The following N4BP2L2 variants were observed in gnomAD, a reference collection of about 807,000 sequenced individuals.
N4BP2L2 encodes the protein NEDD4-binding protein 2-like 2.
N4BP2L2 carries 50 observed loss-of-function variants against 56.2 expected under a neutral mutation model. The ratio of observed to expected loss-of-function variants is 0.89; its 90% CI spans 0.71 to 1.13. The LOEUF is 1.13. Among genes scored for constraint, N4BP2L2 ranks in the 50% most tolerant of loss-of-function variants. N4BP2L2 has a pLI of 0.00. For missense variants in N4BP2L2, 689 were observed against 693.8 expected, an observed-to-expected ratio of 0.99 and a Z score of 0.08; for synonymous variants, 203 against 223.6, an observed-to-expected ratio of 0.91 and a Z score of 0.82.
In N4BP2L2 at chr13:32,438,762, C is replaced by A. The variant is rs370002596; in HGVS notation, c.2105-25G>T. 35 of 1,528,288 alleles carry A rather than the reference C, an allele frequency of 2.3e-5. 1 individual carries two copies. The East Asian group carries it at 3.4e-4, about 15-fold the overall frequency. The allele number at this position is 1,528,288 out of a possible 1,614,324, so 94.7% of individuals were successfully genotyped here. The stretch of plus-strand genomic sequence containing the variant: ...TCTGTGAAAGAAAGAAAGACCTAAT[C>A]TCATCTCTAATGTCACACAGATTTT... On this transcript the variant is annotated intron_variant, in intron 7 of 9. Coordinates refer to the N4BP2L2 transcript ENST00000357505.
chr13:32,434,355 C>T (rs926144633), intron 9 of N4BP2L2, among the ~76,000 whole-genome samples: 1 of 151,280 alleles, frequency 6.6e-6, no homozygotes, highest in Admixed American at 6.6e-5. Flanking sequence ...GCCTCAGCCT[C>T]CCAAAGTGCT....
intron 6 of N4BP2L2, chr13:32,446,613 A>G: frequency 9.8e-7 from 1 of 1,018,016 alleles, no homozygotes; most frequent in Non-Finnish European, 1.3e-6. Flanking sequence ...AATGCACTTA[A>G]TGTATAGTCA....
At chr13:32,454,395 A>G (rs1314314603) in intron 6 of N4BP2L2, among the ~76,000 whole-genome samples, 1 of 152,188 alleles carries the variant, frequency 6.6e-6, no homozygotes. Context: ...AACAGTTACA[A>G]CAAGGAGCAG....
exon 10 of N4BP2L2, chr13:32,432,941 T>G (rs1226015818): frequency 2.0e-5 from 3 of 152,234 alleles, no homozygotes; most frequent in African/African-American, 7.2e-5. Flanking sequence ...GATCATGATC[T>G]TCAGCAGTAC....
At chr13:32,434,251 T>TC (rs1230558466) in intron 9 of N4BP2L2, among the ~76,000 whole-genome samples, 9 of 135,748 alleles carry the variant, frequency 6.6e-5, no homozygotes, top group African/African-American at 2.4e-4. Flanking sequence ...TAATTTTCTT[T>TC]TTTTCTTTTT....
At chr13:32,436,056 G>A (rs2075434628) in intron 9 of N4BP2L2, among the ~76,000 whole-genome samples, 1 of 152,102 alleles carries the variant, frequency 6.6e-6, no homozygotes. Flanking sequence ...CCAACCCAAG[G>A]GGGGAAATGT....
intron 1 of N4BP2L2, among the ~76,000 whole-genome samples, chr13:32,538,074 G>GT (rs1158691832): frequency 1.5e-5 from 2 of 136,788 alleles, no homozygotes; most frequent in African/African-American, 2.7e-5. Flanking sequence ...CCGTCTTGGG[G>GT]GGGGGGGGCG....
intron 6 of N4BP2L2, among the ~76,000 whole-genome samples, chr13:32,452,623 G>C (rs1454763723): frequency 6.6e-6 from 1 of 152,058 alleles, no homozygotes; most frequent in Non-Finnish European, 1.5e-5. Context: ...ACATCTAAAA[G>C]CTTTTTCATA....
At chr13:32,442,125 T>C (rs2076486408) in intron 7 of N4BP2L2, among the ~76,000 whole-genome samples, 2 of 152,168 alleles carry the variant, frequency 1.3e-5, no homozygotes, top group South Asian at 4.1e-4. Context: ...TCATCCTCCA[T>C]TCTTCCCAGT....
intron 6 of N4BP2L2, among the ~76,000 whole-genome samples, chr13:32,479,193 G>A (rs531020561): frequency 6.6e-6 from 1 of 152,122 alleles, no homozygotes; most frequent in Non-Finnish European, 1.5e-5. Context: ...TAGGCCATAT[G>A]TACTCTACAT....
rs550821536 is a variant in N4BP2L2 at position 32,498,378 on chromosome 13, G to A, written c.365+19479C>T. On this transcript the variant is annotated intron_variant, in intron 6 of 9. Coordinates refer to the N4BP2L2 transcript ENST00000357505. ...ACTCATTCATTTAAGACAGAATCTC[G>A]TTCTGTTGCCCAGGCTGGAGTGCAG... Among the ~76,000 whole-genome samples the A allele has an allele frequency of 5.3e-5, 8 of 151,254 alleles. No individual in the cohort carries two copies. The East Asian group carries it at 6.0e-4, about 11-fold the overall frequency.
At position 32,436,807 on chromosome 13, in the gene N4BP2L2, A is replaced by G. The variant is rs1317653688; in HGVS notation, c.2191-402T>C. On this transcript the variant is annotated intron_variant, in intron 8 of 9. Transcript: ENST00000357505. Reference sequence around the variant, plus strand: ...TGTCAAAAAAAAAAAAAAAAAAAAAAAAAGAAAGGAAGAAAGAAAGAAAGA... The same window carrying G: ...TGTCAAAAAAAAAAAAAAAAAAAAAGAAAGAAAGGAAGAAAGAAAGAAAGA... 2.7e-3 allele frequency among the ~76,000 whole-genome samples: 321 copies of G among 119,802 alleles called. 1 individual carries two copies. Among genetic ancestry groups the G allele is most frequent in the African/African-American group, 0.013 (289 of 21,860 alleles). The allele number at this position is 119,802 out of a possible 152,430, so 78.6% of individuals were successfully genotyped here.
At chr13:32,479,072 T>C (rs532917703) in intron 6 of N4BP2L2, among the ~76,000 whole-genome samples, 39 of 151,568 alleles carry the variant, frequency 2.6e-4, no homozygotes, top group African/African-American at 9.4e-4. Flanking sequence ...GAGGCAGAGG[T>C]TGCAGTGAGC....
At chr13:32,434,262 T>TC (rs2075212627) in intron 9 of N4BP2L2, among the ~76,000 whole-genome samples, 1 of 147,646 alleles carries the variant, frequency 6.8e-6, no homozygotes, top group Non-Finnish European at 1.5e-5. Flanking sequence ...TTTTCTTTTT[T>TC]TTTTTTTTGT....
chr13:32,437,161 G>C (rs1239242106), intron 8 of N4BP2L2, among the ~76,000 whole-genome samples: 1 of 152,080 alleles, frequency 6.6e-6, no homozygotes, highest in Non-Finnish European at 1.5e-5. Flanking sequence ...GGGATTATAG[G>C]CATGAGCCAC....
At chr13:32,492,345 C>T (rs1039816482) in intron 6 of N4BP2L2, among the ~76,000 whole-genome samples, 7 of 130,632 alleles carry the variant, frequency 5.4e-5, no homozygotes, top group Non-Finnish European at 1.1e-4. Flanking sequence ...TGCGGTGGCG[C>T]GATCTCTGCT....
chr13:32,500,048 G>A lies in N4BP2L2; in HGVS notation c.365+17809C>T, dbSNP rs568536654. Among the ~76,000 whole-genome samples the A allele has an allele frequency of 3.3e-5, 5 of 152,266 alleles. No homozygotes were observed. The South Asian group carries it at 1.0e-3, about 32-fold the overall frequency. ...TTTTTTCCCAAGCATAACCTTTGGTGTTTTCTGAGACTTTTAGTTGGGTTC... is the reference window on the plus strand; with the variant it reads ...TTTTTTCCCAAGCATAACCTTTGGTATTTTCTGAGACTTTTAGTTGGGTTC... On this transcript the variant is annotated intron_variant, in intron 6 of 9. Transcript: ENST00000357505.
At chr13:32,518,209 A>G (rs2049734088) in intron 5 of N4BP2L2, among the ~76,000 whole-genome samples, 1 of 152,224 alleles carries the variant, frequency 6.6e-6, no homozygotes, top group Non-Finnish European at 1.5e-5. Flanking sequence ...AAGATTCCAT[A>G]TATCACAGAA....
At chr13:32,501,025 C>T (rs1316512937) in intron 6 of N4BP2L2, among the ~76,000 whole-genome samples, 4 of 152,036 alleles carry the variant, frequency 2.6e-5, no homozygotes, top group South Asian at 2.1e-4. Flanking sequence ...TGCATCACGA[C>T]GCCCAGCTAA....
Sources: allele counts gnomAD v4.1 joint callset (sites outside exome capture counted in the v4.1 genomes callset), GRCh38; gene constraint gnomAD v4.1.1; transcripts MANE v1.5; gene names NCBI Gene and HGNC (gene_info 2026-07-23, HGNC 2026-07-21).